The following ANK3 variants were observed in gnomAD, a reference collection of about 807,000 sequenced individuals.
ANK3 encodes ankyrin 3.
A neutral mutation model predicts 370.9 loss-of-function variants in ANK3; 57 were observed. That is an observed-to-expected ratio of 0.15 (90% CI 0.12 to 0.19). ANK3 has a LOEUF of 0.19. Ranked by LOEUF, ANK3 falls within the 10% of genes least tolerant of loss-of-function variation. The probability of loss-of-function intolerance (pLI) is 1.00; values close to 1 mark genes in which losing one functional copy is unlikely to be tolerated. For synonymous variants in ANK3, 1,929 were observed against 1,946.3 expected (o/e 0.99, Z 0.23); for missense variants, 4,439 against 5,302.1 (o/e 0.84, Z 5.06).
At chr10:60,416,534 G>T (rs769957980) in intron 2 of ANK3, among the ~76,000 whole-genome samples, 3 of 152,146 alleles carry the variant, frequency 2.0e-5, no homozygotes, top group Non-Finnish European at 4.4e-5. Flanking sequence ...CAGTATCTGT[G>T]GTGCTTGGTG....
chr10:60,445,448 A>G (rs1263518975), intron 2 of ANK3, among the ~76,000 whole-genome samples: 1 of 151,838 alleles, frequency 6.6e-6, no homozygotes, highest in Non-Finnish European at 1.5e-5. Flanking sequence ...ATATACTTGG[A>G]TCATAGTAAA....
intron 21 of ANK3, among the ~76,000 whole-genome samples, chr10:60,170,369 A>G (rs978664765): frequency 3.3e-5 from 5 of 152,178 alleles, no homozygotes; most frequent in African/African-American, 4.8e-5. Flanking sequence ...GTGGAGGCTG[A>G]GCTAGAGTTA....
chr10:60,387,754 A>C (rs1177262834), intron 1 of ANK3, among the ~76,000 whole-genome samples: 1 of 152,224 alleles, frequency 6.6e-6, no homozygotes, highest in Non-Finnish European at 1.5e-5. Context: ...CATTTGCTAC[A>C]GCTCATTGAG....
chr10:60,074,025 G>A lies in ANK3; in HGVS notation c.6856C>T (p.Pro2286Ser), dbSNP rs766211898. 1 of 1,614,086 alleles carries A rather than the reference G, an allele frequency of 6.2e-7. No homozygotes were observed. The highest frequency in any genetic ancestry group is 2.2e-5 in the East Asian group (1 of 44,860). The change falls in exon 37 of 44, where the codon CCT (proline) becomes TCT (serine). Residue 2286 changes from proline (P) to serine (S), a missense_variant. Around this residue, in one of 13 missense-constraint regions of ANK3, gnomAD observed 1,601 missense variants for 1,731.7 expected, o/e 0.92. Transcript: ENST00000280772. ...AACAGACCTGCCAGTTCTTTGGAAG[G>A]ATCCCGCCCGGACTGAAAGGCCTTC... Reference protein sequence around the residue: ...IMKAFQSGRDPSKELAGLFEH... With the variant: ...IMKAFQSGRDSSKELAGLFEH...
At chr10:60,254,855 C>G (rs2097713727) in intron 7 of ANK3, among the ~76,000 whole-genome samples, 1 of 152,080 alleles carries the variant, frequency 6.6e-6, no homozygotes, top group South Asian at 2.1e-4. Flanking sequence ...GCTGGGTGAC[C>G]AGGAGTGGTG....
chr10:60,155,025 G>T (rs904506311), intron 23 of ANK3, among the ~76,000 whole-genome samples: 1 of 152,094 alleles, frequency 6.6e-6, no homozygotes, highest in Non-Finnish European at 1.5e-5. Flanking sequence ...AGAGAAAGAT[G>T]GCTGAATAGA....
At chr10:60,061,517 T>C (rs2080459271) in intron 40 of ANK3, among the ~76,000 whole-genome samples, 1 of 152,168 alleles carries the variant, frequency 6.6e-6, no homozygotes. Flanking sequence ...AACTATAACT[T>C]ATCAATAATT....
intron 28 of ANK3, among the ~76,000 whole-genome samples, chr10:60,104,900 C>A (rs1021329914): frequency 6.6e-6 from 1 of 152,192 alleles, no homozygotes; most frequent in Non-Finnish European, 1.5e-5. Flanking sequence ...AAGGTAATCT[C>A]CATTTTGCAG....
intron 1 of ANK3, among the ~76,000 whole-genome samples, chr10:60,634,684 A>G (rs2078529050): frequency 6.6e-6 from 1 of 152,072 alleles, no homozygotes; most frequent in African/African-American, 2.4e-5. Context: ...TTTTCAAAAT[A>G]AATCTTGCTG....
intron 4 of ANK3, among the ~76,000 whole-genome samples, chr10:60,271,148 T>C (rs1336549866): frequency 2.0e-5 from 3 of 152,184 alleles, no homozygotes; most frequent in Non-Finnish European, 4.4e-5. Context: ...TTGCAAGATA[T>C]AAGCATCAAA....
At chr10:60,226,582 ACTATG>A (rs2097165906) in intron 8 of ANK3, among the ~76,000 whole-genome samples, 1 of 86,150 alleles carries the variant, frequency 1.2e-5, no homozygotes, top group African/African-American at 5.7e-5. Context: ...ATGTATATAT[ACTATG>A]TATATATACT....
intron 2 of ANK3, among the ~76,000 whole-genome samples, chr10:60,490,930 C>CAGT (rs1229683636): frequency 6.6e-6 from 1 of 152,148 alleles, no homozygotes; most frequent in African/African-American, 2.4e-5. Context: ...TGTCCCTTTC[C>CAGT]AGTAAATTCT....
chr10:60,637,241 A>G (rs1279884428), intron 1 of ANK3, among the ~76,000 whole-genome samples: 1 of 152,106 alleles, frequency 6.6e-6, no homozygotes, highest in Non-Finnish European at 1.5e-5. Context: ...AAGTTCCCCA[A>G]TTTATCACAT....
At chr10:60,375,990 A>G (rs111682676) in intron 1 of ANK3, among the ~76,000 whole-genome samples, 1,976 of 152,290 alleles carry the variant, frequency 0.013, 49 homozygotes, top group African/African-American at 0.045. Context: ...TTCATGTTCA[A>G]TTTAATTTAG....
At chr10:60,201,708 CTTTTTTTTTTTT>C (rs10544317) in intron 12 of ANK3, among the ~76,000 whole-genome samples, 2 of 120,282 alleles carry the variant, frequency 1.7e-5, no homozygotes, top group African/African-American at 6.2e-5. Flanking sequence ...GAAATCACTT[CTTTTTTTTTTTT>C]TTTTTTTTTG....
chr10:60,148,020 G>A (rs553017095), intron 23 of ANK3, among the ~76,000 whole-genome samples: 2 of 152,324 alleles, frequency 1.3e-5, no homozygotes, highest in South Asian at 2.1e-4. Context: ...GGCCAAAGAA[G>A]CGTGTTCTCA....
intron 25 of ANK3, among the ~76,000 whole-genome samples, chr10:60,126,426 C>A (rs181827060): frequency 6.6e-6 from 1 of 152,252 alleles, no homozygotes; most frequent in East Asian, 1.9e-4. Context: ...TGGCTCACGC[C>A]TGTAATCTCA....
intron 7 of ANK3, among the ~76,000 whole-genome samples, chr10:60,254,913 A>G (rs767829623): frequency 2.3e-4 from 35 of 152,196 alleles, no homozygotes; most frequent in Admixed American, 1.3e-3. Flanking sequence ...TGAATTCAAT[A>G]AATATATACT....
chr10:60,528,298 G>A (rs2076525960), intron 2 of ANK3, among the ~76,000 whole-genome samples: 1 of 151,440 alleles, frequency 6.6e-6, no homozygotes, highest in Non-Finnish European at 1.5e-5. Context: ...CACCATACCT[G>A]GCTAATTTTA....
Sources: gnomAD v4.1 joint callset for allele counts (sites outside exome capture counted in the v4.1 genomes callset) on GRCh38, gnomAD v4.1.1 for gene constraint, gnomAD v4.1.1 regional missense constraint, MANE v1.5 for transcripts, NCBI Gene and HGNC (gene_info 2026-07-23, HGNC 2026-07-21) for gene names.